The following ANKRD34B variants were observed in gnomAD, a reference collection of about 807,000 sequenced individuals.
ANKRD34B encodes ankyrin repeat domain-containing protein 34B.
Under a neutral mutation model 4.4 loss-of-function variants are expected in ANKRD34B, and 2 were observed. The observed-to-expected ratio is 0.46, with a 90% CI of 0.19 to 1.44. The LOEUF is 1.44. Ranked by LOEUF, ANKRD34B falls within the 40% of genes most tolerant of loss-of-function variation. The probability of loss-of-function intolerance (pLI) is 0.26; values close to 1 mark genes in which losing one functional copy is unlikely to be tolerated. For missense variants in ANKRD34B, 558 were observed against 604.7 expected (o/e 0.92, Z 0.81); for synonymous variants, 226 against 227.1 (o/e 0.99, Z 0.05).
chr5:80,559,565 GTGA>G lies in ANKRD34B; in HGVS notation c.452_454del (p.Ile151del). 3 of 1,614,124 alleles carry G rather than the reference GTGA, an allele frequency of 1.9e-6. No individual in the cohort carries two copies. The highest frequency in any genetic ancestry group is 2.5e-6 in the Non-Finnish European group (3 of 1,180,024). On this transcript the variant is annotated inframe_deletion, in exon 5 of 5. Coordinates refer to ENST00000338682, the MANE Select transcript of ANKRD34B (RefSeq NM_001004441.3). ...CTTCCCACAGGGCAACTTTGCTGTTGTGATGATGATGACCTCTTTCCCTTTTGC... is the reference window on the plus strand; with the variant it reads ...CTTCCCACAGGGCAACTTTGCTGTTGTGATGATGACCTCTTTCCCTTTTGC...
rs946382483 is a variant in ANKRD34B at position 80,559,144 on chromosome 5, A to G, written c.876T>C (p.Thr292=). ...NGLALSKRFI[T]RHQSIDVKDT... The stretch of plus-strand genomic sequence containing the variant: ...CTTTTACATCAATGCTTTGGTGCCT[A>G]GTGATGAACCGCTTGGAAAGTGCCA... The change falls in exon 5 of 5, where the codon ACT becomes ACC. Residue 292 remains threonine (T), a synonymous_variant. Coordinates refer to ENST00000338682, the MANE Select transcript of ANKRD34B (RefSeq NM_001004441.3). 16 of 1,614,096 alleles carry G rather than the reference A, an allele frequency of 9.9e-6. No individual in the cohort carries two copies. Among genetic ancestry groups the G allele is most frequent in the Non-Finnish European group, 1.3e-5 (15 of 1,180,056 alleles).
chr5:80,568,522 A>T (rs1459138365), intron 2 of ANKRD34B, among the ~76,000 whole-genome samples: 1 of 151,884 alleles, frequency 6.6e-6, no homozygotes, highest in Non-Finnish European at 1.5e-5. Flanking sequence ...GTTTGAAAAA[A>T]CCCAGAGCCC....
In ANKRD34B at chr5:80,557,953, T is replaced by C. The variant is rs1431112110; in HGVS notation, c.*522A>G. ...TAATTAGAGTTTTATCTATCTTCAG[T>C]CAACATTTGTAAAGAATTAGTTCAT... On this transcript the variant is annotated 3_prime_UTR_variant, in exon 5 of 5. Transcript: ENST00000338682. 1.3e-5 allele frequency: 2 copies of C among 152,368 alleles called. No individual in the cohort carries two copies. Among genetic ancestry groups the C allele is most frequent in the African/African-American group, 4.8e-5 (2 of 41,462 alleles). 9.4% of individuals were successfully genotyped at this position (152,368 alleles called of 1,614,324 possible).
chr5:80,567,863 T>A (rs1746623550), intron 2 of ANKRD34B, among the ~76,000 whole-genome samples: 1 of 152,028 alleles, frequency 6.6e-6, no homozygotes, highest in African/African-American at 2.4e-5. Flanking sequence ...GCAGGGTGCG[T>A]ATCAGGGACC....
Position 80,559,605 on chromosome 5 carries a change from T to G in ANKRD34B, c.415A>C (p.Ser139Arg), listed in dbSNP as rs1746357498. 2 of 1,614,092 alleles carry G rather than the reference T, an allele frequency of 1.2e-6. No homozygotes were observed. Among genetic ancestry groups the G allele is most frequent in the African/African-American group, 1.3e-5 (1 of 74,920 alleles). The part of the protein sequence containing the change: ...EDTETLKVLL[S>R]ACKAKGKEVI... The stretch of plus-strand genomic sequence containing the variant: ...TCTTTCCCTTTTGCCTTGCAAGCAC[T>G]AAGAAGAACTTTCAGGGTCTCTGTA... Residue 139 changes from serine (S) to arginine (R), a missense_variant, in exon 5 of 5, where the codon AGT (serine) becomes CGT (arginine). Physicochemically the swap from Ser to Arg is moderately radical, Grantham distance 110 (BLOSUM62 -1). Transcript: ENST00000338682.
In ANKRD34B at chr5:80,559,774, T is replaced by G. The variant is rs1746363845; in HGVS notation, c.246A>C (p.Lys82Asn). Residue 82 changes from lysine to asparagine, a missense_variant, in exon 5 of 5, where the codon AAA becomes AAC. Lys to Asn is a moderately conservative substitution (Grantham distance 94). Transcript: ENST00000338682. ...CATGCATCAGAGCCGTTTTCCCAGATTTGTCCTGTATGTTGGGATCGGCAT... is the reference window on the plus strand; with the variant it reads ...CATGCATCAGAGCCGTTTTCCCAGAGTTGTCCTGTATGTTGGGATCGGCAT... ...ENNADPNIQDKSGKTALMHAC... is the reference protein window; with the variant it reads ...ENNADPNIQDNSGKTALMHAC... The G allele has an allele frequency of 6.2e-7, 1 of 1,614,060 alleles. No homozygotes were observed. Among genetic ancestry groups the G allele is most frequent in the African/African-American group, 1.3e-5 (1 of 74,926 alleles).
At position 80,558,817 on chromosome 5, in the gene ANKRD34B, A is replaced by C; in HGVS notation, c.1203T>G (p.Pro401=). The C allele has an allele frequency of 6.2e-7, 1 of 1,614,058 alleles. No individual in the cohort carries two copies. Among genetic ancestry groups the C allele is most frequent in the Non-Finnish European group, 8.5e-7 (1 of 1,179,974 alleles). The change falls in exon 5 of 5, where the codon CCT becomes CCG. Residue 401 remains proline (P), a synonymous_variant. Coordinates refer to ENST00000338682, the MANE Select transcript of ANKRD34B (RefSeq NM_001004441.3). The stretch of plus-strand genomic sequence containing the variant: ...ATTCTTTGGACTCTGACAATTGGGA[A>C]GGAGATGGTGAGAGGATCTTTTTCT... ...IGKKKILSPS[P]SQLSESKELL...
At chr5:80,561,141 A>G (rs1746393977) in intron 4 of ANKRD34B, among the ~76,000 whole-genome samples, 1 of 151,386 alleles carries the variant, frequency 6.6e-6, no homozygotes, top group African/African-American at 2.5e-5. Context: ...ATTGAAACTA[A>G]AAAATATTTA....
chr5:80,565,399 A>C (rs919960996), intron 3 of ANKRD34B, among the ~76,000 whole-genome samples: 18 of 152,264 alleles, frequency 1.2e-4, no homozygotes, highest in African/African-American at 3.6e-4. Flanking sequence ...CTAGACTATA[A>C]GCAATCCCCA....
At chr5:80,560,154 A>G (rs1241837451) in intron 4 of ANKRD34B, 112 bp from the exon 5 acceptor site, 18 of 616,920 alleles carry the variant, frequency 2.9e-5, no homozygotes, top group Non-Finnish European at 3.0e-5. Flanking sequence ...AAATGGGATC[A>G]TGCTATTAAT....
At chr5:80,565,761 GTT>G (rs554979475) in intron 3 of ANKRD34B, among the ~76,000 whole-genome samples, 5 of 152,122 alleles carry the variant, frequency 3.3e-5, no homozygotes, top group African/African-American at 7.2e-5. Flanking sequence ...TGGAAATGTT[GTT>G]TTTTAAGGAT....
intron 2 of ANKRD34B, among the ~76,000 whole-genome samples, chr5:80,567,621 C>CAAAAAAAAAAAAAAAAAAAAAAAAAA (rs111603222): frequency 1.9e-3 from 97 of 50,276 alleles, no homozygotes; most frequent in South Asian, 3.0e-3. Flanking sequence ...GACTCCGTCT[C>CAAAAAAAAAAAAAAAAAAAAAAAAAA]AAAAAAAAAA....
Position 80,559,378 on chromosome 5 carries a change from A to G in ANKRD34B, c.642T>C (p.Leu214=). The change falls in exon 5 of 5, where the codon CTT becomes CTC. Residue 214 remains leucine (L), a synonymous_variant. Coordinates refer to ENST00000338682, the MANE Select transcript of ANKRD34B (RefSeq NM_001004441.3). The part of the protein sequence containing the change: ...TELTLFGFKD[L]ELAGSNDDTW... ...TATCATCATTGCTTCCAGCAAGCTC[A>G]AGATCTTTAAAGCCAAAAAGCGTCA... 1.9e-6 allele frequency: 3 copies of G among 1,614,214 alleles called. No individual in the cohort carries two copies. The highest frequency in any genetic ancestry group is 1.3e-5 in the African/African-American group (1 of 75,058).
intron 4 of ANKRD34B, among the ~76,000 whole-genome samples, chr5:80,560,524 T>C (rs538859493): frequency 6.6e-6 from 1 of 152,112 alleles, no homozygotes; most frequent in Admixed American, 6.6e-5. Flanking sequence ...TAGCTGGGCA[T>C]GGTGGTGTGA....
chr5:80,559,887 T>C lies in ANKRD34B; in HGVS notation c.133A>G (p.Thr45Ala). ...GTCTTACAAGCGATCATTAAAGGGG[T>C]TTCCCCACGGTCGTTGCTCTCATTA... ...YINESNDRGE[T>A]PLMIACKTKH... The change falls in exon 5 of 5, where the codon ACC (threonine) becomes GCC (alanine). Residue 45 changes from threonine to alanine, a missense_variant. Coordinates refer to ENST00000338682, the MANE Select transcript of ANKRD34B (RefSeq NM_001004441.3). The C allele has an allele frequency of 1.2e-6, 2 of 1,614,158 alleles. No homozygotes were observed. Among genetic ancestry groups the C allele is most frequent in the Non-Finnish European group, 8.5e-7 (1 of 1,180,034 alleles).
chr5:80,566,062 A>G (rs935102733), intron 3 of ANKRD34B, among the ~76,000 whole-genome samples: 6 of 152,232 alleles, frequency 3.9e-5, no homozygotes, highest in African/African-American at 1.4e-4. Flanking sequence ...ATAAGCACTG[A>G]GTTATTTTTA....
At chr5:80,565,003 C>A (rs551159246) in intron 3 of ANKRD34B, among the ~76,000 whole-genome samples, 2 of 152,212 alleles carry the variant, frequency 1.3e-5, no homozygotes, top group Admixed American at 6.5e-5. Flanking sequence ...CTGCGCCCAG[C>A]CTGTTTGCTC....
chr5:80,560,007 T>C lies in ANKRD34B; in HGVS notation c.13A>G (p.Met5Val). 6.3e-7 allele frequency: 1 copy of C among 1,586,764 alleles called. No individual in the cohort carries two copies. Among genetic ancestry groups the C allele is most frequent in the African/African-American group, 1.4e-5 (1 of 73,854 alleles). ...GAATTTCCTTCACTTGAAATTTCCA[T>C]ACCTTCATCCATCTTCGGAGGTTAG... MDEG[M>V]EISSEGNSLI... Residue 5 changes from methionine to valine, a missense_variant, in exon 5 of 5, where the codon ATG becomes GTG. Transcript: ENST00000338682.
chr5:80,569,911 G>C (rs954487805), intron 1 of ANKRD34B, among the ~76,000 whole-genome samples: 3 of 152,172 alleles, frequency 2.0e-5, no homozygotes, highest in African/African-American at 7.2e-5. Context: ...AGTCTCTCGG[G>C]AGGCCCCTGC....
Sources: allele counts gnomAD v4.1 joint callset (sites outside exome capture counted in the v4.1 genomes callset), GRCh38; gene constraint gnomAD v4.1.1; transcripts MANE v1.5; gene names NCBI Gene and HGNC (gene_info 2026-07-23, HGNC 2026-07-21).